COL6A6: variants seen among roughly 807,000 people sequenced by gnomAD.
COL6A6 encodes the protein collagen type VI alpha 6 chain.
COL6A6 carries 183 observed loss-of-function variants against 208.6 expected under a neutral mutation model. That is an observed-to-expected ratio of 0.88 (90% CI 0.78 to 0.99). COL6A6 has a LOEUF of 0.99. Among genes scored for constraint, COL6A6 ranks in the 50% least tolerant of loss-of-function variants. COL6A6 has a pLI of 0.00. For synonymous variants in COL6A6, 973 were observed against 1,011.8 expected (o/e 0.96, Z 0.73); for missense variants, 2,816 against 2,815.2 (o/e 1.00, Z -0.01).
At chr3:130,662,591 A>G (rs929538573) in intron 35 of COL6A6, among the ~76,000 whole-genome samples, 6 of 152,174 alleles carry the variant, frequency 3.9e-5, no homozygotes, top group African/African-American at 1.4e-4. Context: ...GGAGCAGTGC[A>G]GTCCGGGGGT....
intron 1 of COL6A6, among the ~76,000 whole-genome samples, chr3:130,549,890 A>C (rs1021373978): frequency 6.6e-6 from 1 of 152,144 alleles, no homozygotes; most frequent in African/African-American, 2.4e-5. Context: ...TCTAAATTTT[A>C]AAGTAGTTTC....
intron 28 of COL6A6, among the ~76,000 whole-genome samples, chr3:130,637,500 T>C (rs1179150631): frequency 1.3e-5 from 2 of 152,162 alleles, no homozygotes; most frequent in Non-Finnish European, 2.9e-5. Context: ...TTATCACTGT[T>C]CTTAACTTGC....
intron 10 of COL6A6, among the ~76,000 whole-genome samples, chr3:130,584,779 T>G (rs943311608): frequency 6.6e-6 from 1 of 151,890 alleles, no homozygotes; most frequent in African/African-American, 2.4e-5. Context: ...CACACCCGGC[T>G]AATTTTTTGT....
chr3:130,634,832 C>G (rs2065063098), intron 27 of COL6A6, among the ~76,000 whole-genome samples: 1 of 152,130 alleles, frequency 6.6e-6, no homozygotes, highest in Non-Finnish European at 1.5e-5. Flanking sequence ...AAAAGTATTT[C>G]TAGTTTTTTA....
At chr3:130,626,441 T>C in intron 24 of COL6A6, 44 bp from the exon 25 acceptor site, 4 of 1,376,514 alleles carry the variant, frequency 2.9e-6, no homozygotes, top group Non-Finnish European at 3.1e-6. Flanking sequence ...ATTAGTGCCA[T>C]CATTTCCAAT....
intron 24 of COL6A6, among the ~76,000 whole-genome samples, chr3:130,623,254 T>C (rs144919450): frequency 0.014 from 2,145 of 152,160 alleles, 22 homozygotes; most frequent in Non-Finnish European, 0.022. Flanking sequence ...GGTCGGGAGT[T>C]CCAGACCAGC....
rs1374597149 is a variant in COL6A6 at position 130,675,538 on chromosome 3, A to G, written c.*141A>G. 3 of 563,182 alleles carry G rather than the reference A, an allele frequency of 5.3e-6. No homozygotes were observed. Among genetic ancestry groups the G allele is most frequent in the Middle Eastern group, 4.3e-4 (1 of 2,334 alleles). The allele number at this position is 563,182 out of a possible 1,614,324, so 34.9% of individuals were successfully genotyped here. ...CCCCTGCATTCATTGGTATTAAGAT[A>G]TATCTTGTTCATTTATTTGACCACT... On this transcript the variant is annotated 3_prime_UTR_variant, in exon 37 of 37. Transcript: ENST00000358511.
intron 23 of COL6A6, among the ~76,000 whole-genome samples, chr3:130,621,536 T>G (rs937232449): frequency 2.0e-5 from 3 of 152,256 alleles, no homozygotes; most frequent in Admixed American, 6.5e-5. Flanking sequence ...TTAGGCATTT[T>G]AACAACATCT....
rs371104933 is a variant in COL6A6 at position 130,571,212 on chromosome 3, G to A, written c.2796G>A (p.Thr932=). ...ESHDADKLNA[T]AKALRDKGIL... is the part of the protein sequence containing the mutation. ...ATGATGCTGATAAACTCAATGCCAC[G>A]GCAAAGGCCTTGCGGGACAAAGGCA... Residue 932 remains threonine (T), a synonymous_variant, in exon 7 of 37, where the codon ACG becomes ACA. Coordinates refer to ENST00000358511, the MANE Select transcript of COL6A6 (RefSeq NM_001102608.3). 18 of 1,613,716 alleles carry A rather than the reference G, an allele frequency of 1.1e-5. No individual in the cohort carries two copies. Among genetic ancestry groups the A allele is most frequent in the Middle Eastern group, 1.6e-4 (1 of 6,084 alleles).
intron 8 of COL6A6, among the ~76,000 whole-genome samples, chr3:130,576,125 T>C (rs1001220815): frequency 1.3e-5 from 2 of 152,166 alleles, no homozygotes; most frequent in African/African-American, 4.8e-5. Context: ...TAATAAAAAC[T>C]GGGAATCACA....
chr3:130,603,395 A>T (rs2064083758), intron 20 of COL6A6, among the ~76,000 whole-genome samples: 1 of 152,126 alleles, frequency 6.6e-6, no homozygotes, highest in Non-Finnish European at 1.5e-5. Context: ...GCTGAGAATC[A>T]CTTTGTAGAG....
At chr3:130,611,178 C>T (rs185343830) in intron 23 of COL6A6, among the ~76,000 whole-genome samples, 313 of 152,112 alleles carry the variant, frequency 2.1e-3, no homozygotes, top group African/African-American at 6.9e-3. Flanking sequence ...CCTAGGAGAT[C>T]TTAATATAGA....
At chr3:130,590,239 CA>C (rs1425988127) in intron 12 of COL6A6, among the ~76,000 whole-genome samples, 1 of 90,088 alleles carries the variant, frequency 1.1e-5, no homozygotes, top group Non-Finnish European at 2.1e-5. Context: ...CTCGAAATTC[CA>C]TTTCTTTTTT....
chr3:130,544,424 TCATC>T (rs2062445198), intron 1 of COL6A6, among the ~76,000 whole-genome samples: 1 of 152,210 alleles, frequency 6.6e-6, no homozygotes, highest in African/African-American at 2.4e-5. Context: ...CTTTACCCAT[TCATC>T]CATGATGAAC....
Position 130,628,857 on chromosome 3 carries a change from T to C in COL6A6, c.4992+1488T>C, listed in dbSNP as rs2064975152. Among the ~76,000 whole-genome samples, 4 of 112,908 alleles carry C rather than the reference T, an allele frequency of 3.5e-5. 1 individual carries two copies. In the Admixed American group the frequency reaches 4.2e-4, roughly 12 times the overall value. 74.1% of individuals were successfully genotyped at this position (112,908 alleles called of 152,430 possible). A position where few individuals can be genotyped will look rare whatever the true frequency, so the allele number is the denominator to read the frequency against. ...GGGTCCTGTCTGTTAGAAGGAAAAC[T>C]AACAACCAGAAAGGACATCTACACC... On this transcript the variant is annotated intron_variant, in intron 26 of 36. Transcript: ENST00000358511.
rs1336711865 is a variant in COL6A6, at chr3:130,658,656, G to A, written c.5734-20G>A. On this transcript the variant is annotated intron_variant, in intron 33 of 36. Coordinates refer to ENST00000358511, the MANE Select transcript of COL6A6 (RefSeq NM_001102608.3). Reference sequence around the variant, plus strand: ...CAGCCCTACCCACTAAGTTCTTTCTGCTGCTTCTGCTTCTTTTAGATTGAC... The same window carrying A: ...CAGCCCTACCCACTAAGTTCTTTCTACTGCTTCTGCTTCTTTTAGATTGAC... The A allele has an allele frequency of 5.7e-6, 9 of 1,579,722 alleles. No individual in the cohort carries two copies. In the Admixed American group the frequency reaches 1.4e-4, roughly 24 times the overall value.
chr3:130,540,529 A>G (rs935069169), intron 1 of COL6A6, among the ~76,000 whole-genome samples: 3 of 152,172 alleles, frequency 2.0e-5, no homozygotes, highest in African/African-American at 4.8e-5. Context: ...TCCAGGATAC[A>G]TTGCAGGATG....
Position 130,568,750 on chromosome 3 carries a change from TAAAC to T in COL6A6, c.2401+148_2401+151del, listed in dbSNP as rs901935942. On this transcript the variant is annotated intron_variant, in intron 6 of 36. Coordinates refer to ENST00000358511, the MANE Select transcript of COL6A6 (RefSeq NM_001102608.3). ...TCCTAGTGGCTTTGACCTGTTGAAT[TAAAC>T]AGACAGTGAGGAAGAGTTTTGGTTT... is the stretch of plus-strand genomic sequence containing the variant. 4.7e-5 allele frequency: 38 copies of T among 801,974 alleles called. No individual in the cohort carries two copies. In the African/African-American group the frequency reaches 5.2e-4, roughly 11 times the overall value. 49.7% of individuals were successfully genotyped at this position (801,974 alleles called of 1,614,324 possible). A position where few individuals can be genotyped will look rare whatever the true frequency, so the allele number is the denominator to read the frequency against.
chr3:130,517,136 C>T (rs1710777090), upstream of COL6A6, among the ~76,000 whole-genome samples: 1 of 152,158 alleles, frequency 6.6e-6, no homozygotes, highest in Non-Finnish European at 1.5e-5. Flanking sequence ...GGGCCCGGGG[C>T]GGGGAGAAGC....
Sources: allele counts gnomAD v4.1 joint callset (sites outside exome capture counted in the v4.1 genomes callset), GRCh38; gene constraint gnomAD v4.1.1; transcripts MANE v1.5; gene names NCBI Gene and HGNC (gene_info 2026-07-23, HGNC 2026-07-21).